The following SUCLA2 variants were observed in gnomAD, a reference collection of about 807,000 sequenced individuals.
SUCLA2 encodes succinate-CoA ligase ADP-forming subunit beta.
A neutral mutation model predicts 54.8 loss-of-function variants in SUCLA2; 30 were observed. The ratio of observed to expected loss-of-function variants is 0.55; its 90% CI spans 0.41 to 0.74. The LOEUF is 0.74. Ranked by LOEUF, SUCLA2 falls within the 30% of genes least tolerant of loss-of-function variation. The pLI, the probability that SUCLA2 is intolerant of heterozygous loss-of-function variation, is 0.00. For missense variants in SUCLA2, 476 were observed against 562.9 expected (o/e 0.85, Z 1.56); for synonymous variants, 172 against 188.9 (o/e 0.91, Z 0.74).
intron 6 of SUCLA2, among the ~76,000 whole-genome samples, chr13:47,961,017 G>T (rs1162694435): frequency 6.6e-6 from 1 of 152,154 alleles, no homozygotes; most frequent in African/African-American, 2.4e-5. Context: ...CAGCATCTGG[G>T]TCTATGTGTT....
At chr13:47,970,373 AT>A (rs1316113754) in intron 5 of SUCLA2, among the ~76,000 whole-genome samples, 1 of 152,166 alleles carries the variant, frequency 6.6e-6, no homozygotes, top group Non-Finnish European at 1.5e-5. Flanking sequence ...ATCTTAGATT[AT>A]TCCTCCATGT....
chr13:48,001,226 G>T lies in SUCLA2; in HGVS notation c.44C>A (p.Thr15Asn), dbSNP rs755469117. 14 of 1,608,258 alleles carry T rather than the reference G, an allele frequency of 8.7e-6. No individual in the cohort carries two copies. In the East Asian group the frequency reaches 2.9e-4, roughly 33 times the overall value. Reference protein sequence around the residue: ...MFYGRLVAVATLRNHRPRTAQ... With the variant: ...MFYGRLVAVANLRNHRPRTAQ... ...CGTCCGAGGCCGGTGGTTCCGAAGGGTGGCCACGGCCACTAGCCTGCCGTA... is the reference window on the plus strand; with the variant it reads ...CGTCCGAGGCCGGTGGTTCCGAAGGTTGGCCACGGCCACTAGCCTGCCGTA... The change falls in exon 1 of 11, where the codon ACC becomes AAC. Residue 15 changes from threonine (T) to asparagine (N), a missense_variant. Physicochemically the swap from Thr to Asn is moderately conservative, Grantham distance 65 (BLOSUM62 0). Coordinates refer to ENST00000646932, the MANE Select transcript of SUCLA2 (RefSeq NM_003850.3).
chr13:47,949,994 A>T (rs1322462716), intron 8 of SUCLA2, among the ~76,000 whole-genome samples: 1 of 152,174 alleles, frequency 6.6e-6, no homozygotes, highest in African/African-American at 2.4e-5. Context: ...TTCCTCATTT[A>T]TCCCTGTAGG....
At chr13:47,969,319 T>G (rs1949943447) in intron 5 of SUCLA2, among the ~76,000 whole-genome samples, 1 of 152,204 alleles carries the variant, frequency 6.6e-6, no homozygotes, top group South Asian at 2.1e-4. Context: ...TACCAAGCAA[T>G]AAGAATACAT....
chr13:47,970,733 G>T (rs575039358), intron 5 of SUCLA2, among the ~76,000 whole-genome samples: 2 of 152,224 alleles, frequency 1.3e-5, no homozygotes, highest in South Asian at 4.2e-4. Context: ...GGTGGCGGGC[G>T]CCTGTAATCC....
At chr13:47,981,194 A>G (rs562691748) in intron 4 of SUCLA2, among the ~76,000 whole-genome samples, 5 of 152,298 alleles carry the variant, frequency 3.3e-5, no homozygotes, top group African/African-American at 4.8e-5. Flanking sequence ...TGCAATCCAT[A>G]TATCTAGTTA....
chr13:47,965,500 A>AC, intron 6 of SUCLA2: 2 of 382,120 alleles, frequency 5.2e-6, no homozygotes, highest in Non-Finnish European at 9.0e-6. Flanking sequence ...TCTTTAAAAA[A>AC]AAAAAAACAA....
At chr13:47,954,047 A>G in intron 8 of SUCLA2, 93 bp downstream of exon 8, 2 of 1,144,168 alleles carry the variant, frequency 1.7e-6, no homozygotes, top group Non-Finnish European at 2.3e-6. Context: ...ATATATATGA[A>G]TTCTAAATTC....
At chr13:47,984,032 CA>C (rs1950079596) in intron 4 of SUCLA2, among the ~76,000 whole-genome samples, 1 of 152,148 alleles carries the variant, frequency 6.6e-6, no homozygotes, top group African/African-American at 2.4e-5. Context: ...AAACGTTAAA[CA>C]ATGACTATAG....
At chr13:47,943,707 A>G (rs911884358) in intron 10 of SUCLA2, among the ~76,000 whole-genome samples, 7 of 150,450 alleles carry the variant, frequency 4.7e-5, no homozygotes, top group African/African-American at 1.7e-4. Flanking sequence ...TGTATTACAT[A>G]AGATTATATA....
intron 4 of SUCLA2, among the ~76,000 whole-genome samples, chr13:47,974,688 C>T (rs1470101192): frequency 6.6e-6 from 1 of 152,110 alleles, no homozygotes; most frequent in African/African-American, 2.4e-5. Flanking sequence ...GGTATCAATA[C>T]TAACAATTAT....
chr13:47,948,770 A>G (rs889088788), intron 10 of SUCLA2, among the ~76,000 whole-genome samples, 170 bp downstream of exon 10: 9 of 152,194 alleles, frequency 5.9e-5, no homozygotes, highest in Non-Finnish European at 1.3e-4. Context: ...CCCTCTGAAT[A>G]AAGTCTGCCT....
chr13:47,993,149 T>C (rs1324402809), intron 2 of SUCLA2, among the ~76,000 whole-genome samples: 1 of 152,156 alleles, frequency 6.6e-6, no homozygotes, highest in African/African-American at 2.4e-5. Flanking sequence ...GAGAAGTGGC[T>C]TGAGCCCAGG....
At chr13:47,955,085 T>C (rs1215215711) in intron 6 of SUCLA2, among the ~76,000 whole-genome samples, 2 of 152,112 alleles carry the variant, frequency 1.3e-5, no homozygotes, top group African/African-American at 4.8e-5. Context: ...CTTTACTACA[T>C]AGCAACTCCT....
chr13:47,962,247 C>G (rs1039706410), intron 6 of SUCLA2, among the ~76,000 whole-genome samples: 2 of 152,084 alleles, frequency 1.3e-5, no homozygotes, highest in Non-Finnish European at 2.9e-5. Flanking sequence ...GAATTTGAGG[C>G]ATATTTCTCT....
At chr13:47,977,746 A>C (rs1950028522) in intron 4 of SUCLA2, among the ~76,000 whole-genome samples, 1 of 152,198 alleles carries the variant, frequency 6.6e-6, no homozygotes, top group Non-Finnish European at 1.5e-5. Context: ...ATACTCAACA[A>C]AGACTGAAGG....
At position 47,973,362 on chromosome 13, in the gene SUCLA2, C is replaced by T. The variant is rs1159027793; in HGVS notation, c.565G>A (p.Gly189Ser). ...GPVLIGSSHGGVNIEDVAAES... is the reference protein window; with the variant it reads ...GPVLIGSSHGSVNIEDVAAES... Reference sequence around the variant, plus strand: ...GCAGCAACATCTTCAATGTTGACACCACCATGTGAACTTCCTATTAATACA... The same window carrying T: ...GCAGCAACATCTTCAATGTTGACACTACCATGTGAACTTCCTATTAATACA... The change falls in exon 5 of 11, where the codon GGT becomes AGT. Residue 189 changes from glycine to serine, a missense_variant. Transcript: ENST00000646932. 1 of 1,613,520 alleles carries T rather than the reference C, an allele frequency of 6.2e-7. No homozygotes were observed. The highest frequency in any genetic ancestry group is 1.3e-5 in the African/African-American group (1 of 74,874).
chr13:47,972,832 C>T lies in SUCLA2; in HGVS notation c.663+432G>A, dbSNP rs1437797216. On this transcript the variant is annotated intron_variant, in intron 5 of 10. Transcript: ENST00000646932. ...GCACAATCTCGGCTCACTGCAACCT[C>T]CGCCTCCTGGGTTCAAGCGATTCTT... Among the ~76,000 whole-genome samples, 4 of 149,008 alleles carry T rather than the reference C, an allele frequency of 2.7e-5. No homozygotes were observed. In the East Asian group the frequency reaches 8.1e-4, roughly 30 times the overall value.
At chr13:47,989,480 G>C (rs528271205) in intron 2 of SUCLA2, among the ~76,000 whole-genome samples, 4 of 149,192 alleles carry the variant, frequency 2.7e-5, no homozygotes, top group Admixed American at 1.3e-4. Flanking sequence ...CAAAGTGCTG[G>C]GATTACAGGC....
Sources: allele counts gnomAD v4.1 joint callset (sites outside exome capture counted in the v4.1 genomes callset), GRCh38; gene constraint gnomAD v4.1.1; transcripts MANE v1.5; gene names NCBI Gene and HGNC (gene_info 2026-07-23, HGNC 2026-07-21).